UNC13B: variants seen among roughly 807,000 people sequenced by gnomAD.
The protein encoded by UNC13B is unc-13 homolog B.
Under a neutral mutation model 211.0 loss-of-function variants are expected in UNC13B, and 144 were observed. The ratio of observed to expected loss-of-function variants is 0.68; its 90% CI spans 0.60 to 0.78. The LOEUF is 0.78. Among genes scored for constraint, UNC13B ranks in the 30% least tolerant of loss-of-function variants. The probability of loss-of-function intolerance (pLI) is 0.00; values close to 1 mark genes in which losing one functional copy is unlikely to be tolerated. For synonymous variants in UNC13B, 709 were observed against 725.8 expected, an observed-to-expected ratio of 0.98 and a Z score of 0.37; for missense variants, 1,777 against 2,002.0, an observed-to-expected ratio of 0.89 and a Z score of 2.14.
chr9:35,185,586 G>A (rs1328000135), intron 1 of UNC13B, among the ~76,000 whole-genome samples: 3 of 152,044 alleles, frequency 2.0e-5, no homozygotes, highest in Non-Finnish European at 4.4e-5. Context: ...CTCAAATCCC[G>A]CTAGTTTGCA....
At chr9:35,217,956 G>A (rs1249073836) in intron 1 of UNC13B, among the ~76,000 whole-genome samples, 1 of 152,012 alleles carries the variant, frequency 6.6e-6, no homozygotes, top group Non-Finnish European at 1.5e-5. Context: ...CCCTGGAGGT[G>A]GAGGCTGCAG....
chr9:35,343,559 C>T (rs17296428), intron 11 of UNC13B, among the ~76,000 whole-genome samples: 1 of 152,008 alleles, frequency 6.6e-6, no homozygotes, highest in Non-Finnish European at 1.5e-5. Context: ...TTTTTTGTAC[C>T]TTGAGGAGGA....
chr9:35,393,073 T>C (rs1379716967), intron 26 of UNC13B, among the ~76,000 whole-genome samples: 1 of 152,238 alleles, frequency 6.6e-6, no homozygotes, highest in Non-Finnish European at 1.5e-5. Flanking sequence ...ATTTTCTCTG[T>C]GCCTGGCTCT....
intron 1 of UNC13B, among the ~76,000 whole-genome samples, chr9:35,173,925 A>C (rs1821469139): frequency 6.6e-6 from 1 of 152,200 alleles, no homozygotes; most frequent in Non-Finnish European, 1.5e-5. Flanking sequence ...CCACATCTTT[A>C]AAATTCATAT....
intron 1 of UNC13B, among the ~76,000 whole-genome samples, chr9:35,171,349 G>T (rs138661852): frequency 6.6e-6 from 1 of 152,018 alleles, no homozygotes; most frequent in Non-Finnish European, 1.5e-5. Context: ...TGACCCACCC[G>T]CCTTGGCCTC....
At chr9:35,332,372 T>C (rs1564141961) in intron 11 of UNC13B, among the ~76,000 whole-genome samples, 1 of 152,200 alleles carries the variant, frequency 6.6e-6, no homozygotes, top group Non-Finnish European at 1.5e-5. Context: ...TGTTTAAAAC[T>C]TCCCTCTTGA....
At chr9:35,201,315 G>C (rs1237219896) in intron 1 of UNC13B, among the ~76,000 whole-genome samples, 2 of 152,172 alleles carry the variant, frequency 1.3e-5, no homozygotes, top group Admixed American at 6.5e-5. Context: ...TTGTGTCTCT[G>C]CCAGGCTTTG....
chr9:35,215,762 G>A (rs1326710665), intron 1 of UNC13B, among the ~76,000 whole-genome samples: 1 of 152,150 alleles, frequency 6.6e-6, no homozygotes, highest in African/African-American at 2.4e-5. Context: ...TTATTGGAAG[G>A]CCAGAAACAA....
intron 9 of UNC13B, among the ~76,000 whole-genome samples, chr9:35,308,953 C>G (rs1587589302): frequency 1.3e-5 from 2 of 152,100 alleles, no homozygotes; most frequent in African/African-American, 4.8e-5. Context: ...ATTCCCATAT[C>G]CTATTCCATA....
chr9:35,389,550 TCTGCCCATAGCAA>T (rs1263215719), intron 24 of UNC13B, among the ~76,000 whole-genome samples: 3 of 152,200 alleles, frequency 2.0e-5, no homozygotes, highest in African/African-American at 7.2e-5. Flanking sequence ...AGCGAGTTAC[TCTGCCCATAGCAA>T]CTGAGAGAAG....
chr9:35,315,681 A>G (rs1830415924), intron 11 of UNC13B, among the ~76,000 whole-genome samples: 1 of 152,214 alleles, frequency 6.6e-6, no homozygotes, highest in Admixed American at 6.5e-5. Context: ...TATTTTGCCA[A>G]CCATCCCAAC....
At chr9:35,255,847 G>A (rs927791929) in intron 6 of UNC13B, among the ~76,000 whole-genome samples, 33 of 152,296 alleles carry the variant, frequency 2.2e-4, no homozygotes, top group African/African-American at 7.9e-4. Context: ...TGTTAGTCCT[G>A]CAAAGGCAGA....
chr9:35,400,412 C>T lies in UNC13B; in HGVS notation c.12453C>T (p.Ile4151=). The part of the protein sequence containing the change: ...SLYTQTTDTL[I]KTFVRSQTTQ... ...ACACACAGACTACTGACACTCTCAT[C>T]AAGACCTTTGTGCGCTCGCAGACCA... Residue 4151 remains isoleucine (I), a synonymous_variant, in exon 37 of 40, where the codon ATC becomes ATT. Transcript: ENST00000635942. 1 of 1,613,884 alleles carries T rather than the reference C, an allele frequency of 6.2e-7. No homozygotes were observed. Among genetic ancestry groups the T allele is most frequent in the Admixed American group, 1.7e-5 (1 of 60,004 alleles).
chr9:35,388,849 A>G (rs1424722518), intron 24 of UNC13B, among the ~76,000 whole-genome samples: 2 of 152,248 alleles, frequency 1.3e-5, no homozygotes, highest in Non-Finnish European at 2.9e-5. Flanking sequence ...TTGTAGAAAG[A>G]TCACGATAGC....
chr9:35,370,444 C>A, intron 13 of UNC13B, 48 bp downstream of exon 13: 1 of 1,559,974 alleles, frequency 6.4e-7, no homozygotes, highest in South Asian at 1.1e-5. Flanking sequence ...TTGGGGTATC[C>A]CCCATTGGGC....
At chr9:35,293,591 G>A (rs1829199560) in intron 7 of UNC13B, among the ~76,000 whole-genome samples, 3 of 152,092 alleles carry the variant, frequency 2.0e-5, no homozygotes. Flanking sequence ...TCTTTCTGTG[G>A]GTTCAGAAAG....
chr9:35,308,931 G>T (rs958501088), intron 9 of UNC13B, among the ~76,000 whole-genome samples: 1 of 152,152 alleles, frequency 6.6e-6, no homozygotes, highest in African/African-American at 2.4e-5. Flanking sequence ...AGGATGCCTT[G>T]GGATAGTCTG....
intron 1 of UNC13B, among the ~76,000 whole-genome samples, chr9:35,197,958 C>G (rs996211448): frequency 6.6e-6 from 1 of 152,104 alleles, no homozygotes; most frequent in Non-Finnish European, 1.5e-5. Context: ...CAGACTAATA[C>G]AATATGCGAA....
At chr9:35,254,956 TATA>T (rs569793087) in intron 6 of UNC13B, among the ~76,000 whole-genome samples, 2,192 of 121,920 alleles carry the variant, frequency 0.018, 82 homozygotes, top group African/African-American at 0.067. Context: ...ATGTATATAA[TATA>T]ATATATTATA....
Sources: gnomAD v4.1 joint callset for allele counts (sites outside exome capture counted in the v4.1 genomes callset) on GRCh38, gnomAD v4.1.1 for gene constraint, MANE v1.5 for transcripts, NCBI Gene and HGNC (gene_info 2026-07-23, HGNC 2026-07-21) for gene names.